PAX5: variants seen among roughly 807,000 people sequenced by gnomAD.
The protein encoded by PAX5 is paired box protein Pax-5.
PAX5 carries 9 observed loss-of-function variants against 43.7 expected under a neutral mutation model. The observed-to-expected ratio is 0.21, with a 90% confidence interval of 0.12 to 0.36. The LOEUF (loss-of-function observed/expected upper bound fraction) is 0.36. PAX5 is among the 10% of genes least tolerant of loss of function. The pLI is 1.00. For synonymous variants in PAX5, 228 were observed against 214.3 expected (o/e 1.06, Z -0.56); for missense variants, 383 against 532.7 (o/e 0.72, Z 2.77).
chr9:36,926,875 T>C (rs1311968887), intron 6 of PAX5, among the ~76,000 whole-genome samples: 1 of 152,104 alleles, frequency 6.6e-6, no homozygotes, highest in Non-Finnish European at 1.5e-5. Context: ...GGCCCAGAAA[T>C]TCCATCCAAG....
intron 5 of PAX5, among the ~76,000 whole-genome samples, chr9:36,977,055 C>G (rs1439427996): frequency 6.6e-6 from 1 of 152,148 alleles, no homozygotes; most frequent in African/African-American, 2.4e-5. Flanking sequence ...AGGATGAAGA[C>G]AAGTGAATAA....
rs1483100941 is a variant in PAX5 at position 36,881,985 on chromosome 9, G to T, written c.1012+19C>A. The T allele has an allele frequency of 1.3e-6, 2 of 1,586,146 alleles. No individual in the cohort carries two copies. Among genetic ancestry groups the T allele is most frequent in the South Asian group, 1.1e-5 (1 of 88,156 alleles). On this transcript the variant is annotated intron_variant, in intron 8 of 9. Transcript: ENST00000358127. ...CCCGTCCGCTGCCTGCTGTGGAGAC[G>T]CCGACAGTGCAAACTCACCAGGCAC...
At chr9:36,913,228 C>T (rs191656040) in intron 7 of PAX5, among the ~76,000 whole-genome samples, 137 of 152,314 alleles carry the variant, frequency 9.0e-4, no homozygotes, top group Non-Finnish European at 1.5e-3. Context: ...GGGGGAGCCT[C>T]AGTCCCCAGG....
At chr9:36,843,031 T>C (rs1363721323) in intron 9 of PAX5, among the ~76,000 whole-genome samples, 1 of 152,090 alleles carries the variant, frequency 6.6e-6, no homozygotes, top group East Asian at 1.9e-4. Flanking sequence ...TATGTGCGTG[T>C]ATGTGTGCAT....
rs1473701900 is a variant in PAX5, at chr9:37,002,643, C to CT, written c.604+4dup. ...CCCCGACGGGGCTGCGCGGGCCTCT[C>CT]TTACCTTCGTCTCTCTTGCGCTTGT... On this transcript the variant is annotated splice_donor_region_variant and intron_variant, in intron 5 of 9. Transcript: ENST00000358127. 2.5e-6 allele frequency: 4 copies of CT among 1,610,794 alleles called. No individual in the cohort carries two copies. Among genetic ancestry groups the CT allele is most frequent in the Middle Eastern group, 1.7e-4 (1 of 6,058 alleles).
intron 7 of PAX5, among the ~76,000 whole-genome samples, chr9:36,920,294 A>T (rs1406218924): frequency 6.6e-6 from 1 of 152,248 alleles, no homozygotes; most frequent in East Asian, 1.9e-4. Context: ...GCTATCAAAC[A>T]GCATCATATG....
intron 5 of PAX5, among the ~76,000 whole-genome samples, chr9:36,999,039 TTTTA>T (rs1837629038): frequency 6.6e-6 from 1 of 152,200 alleles, no homozygotes; most frequent in Non-Finnish European, 1.5e-5. Flanking sequence ...CATGTTATCT[TTTTA>T]CCTGAAACAC....
Position 36,882,069 on chromosome 9 carries a change from G to T in PAX5, c.947C>A (p.Pro316His), listed in dbSNP as rs760162526. The T allele has an allele frequency of 6.2e-7, 1 of 1,608,246 alleles. No individual in the cohort carries two copies. The change falls in exon 8 of 10, where the codon CCT (proline) becomes CAT (histidine). Residue 316 changes from proline to histidine, a missense_variant. Physicochemically the swap from Pro to His is moderately conservative, Grantham distance 77 (BLOSUM62 -2). Around this residue, in one of 5 missense-constraint regions of PAX5, gnomAD observed 291 missense variants for 342.5 expected, o/e 0.85. Transcript: ENST00000358127. The surrounding 1 kb of genome is among the most constrained non-coding windows in gnomAD (Gnocchi z 4.4). ...DLASTTLPGYPPHVPPAGQGS... is the reference protein window; with the variant it reads ...DLASTTLPGYHPHVPPAGQGS... ...CTGTCCAGCGGGGGGGACGTGTGGA[G>T]GGTACCCGGGGAGGGTCGTGCTCGC... is the stretch of plus-strand genomic sequence containing the variant.
At chr9:37,027,550 C>T (rs901256517) in intron 1 of PAX5, among the ~76,000 whole-genome samples, 4 of 152,234 alleles carry the variant, frequency 2.6e-5, no homozygotes, top group Non-Finnish European at 5.9e-5. Context: ...GCCACCAAGG[C>T]CGCCGGGGCT....
chr9:36,936,417 C>T lies in PAX5; in HGVS notation c.781-12933G>A, dbSNP rs74533235. 6.3e-3 allele frequency among the ~76,000 whole-genome samples: 964 copies of T among 152,292 alleles called. 12 individuals carry two copies. The highest frequency in any genetic ancestry group is 0.021 in the African/African-American group (879 of 41,552). ...GGACAAAGCTCCATCTCCAGGTGGC[C>T]AAGTTCCACAGGCTTCTTCCAGGCA... On this transcript the variant is annotated intron_variant, in intron 6 of 9. Coordinates refer to ENST00000358127, the MANE Select transcript of PAX5 (RefSeq NM_016734.3).
intron 3 of PAX5, among the ~76,000 whole-genome samples, chr9:37,009,505 A>G (rs889017231): frequency 5.3e-5 from 8 of 152,218 alleles, no homozygotes; most frequent in African/African-American, 1.9e-4. Context: ...GTCTTAAAAT[A>G]TTCATATTTT....
intron 8 of PAX5, among the ~76,000 whole-genome samples, chr9:36,879,859 G>A (rs1272561058): frequency 1.3e-5 from 2 of 152,208 alleles, no homozygotes; most frequent in Non-Finnish European, 1.5e-5. Flanking sequence ...GGAGCCGGTG[G>A]GGCGGGGCAA....
chr9:36,929,424 G>C (rs1247693762), intron 6 of PAX5, among the ~76,000 whole-genome samples: 1 of 152,192 alleles, frequency 6.6e-6, no homozygotes, highest in Non-Finnish European at 1.5e-5. Flanking sequence ...GCGGGGTGCA[G>C]AGGTACACAC....
Position 37,034,098 on chromosome 9 carries a change from C to CTTTTTTTTTTTTTT in PAX5, c.-81_-68dup, listed in dbSNP as rs576653546. 2.8e-3 allele frequency: 881 copies of CTTTTTTTTTTTTTT among 319,864 alleles called. 38 individuals carry two copies. The highest frequency in any genetic ancestry group is 3.7e-3 in the African/African-American group (85 of 23,220). 19.8% of individuals were successfully genotyped at this position (319,864 alleles called of 1,614,324 possible). The stretch of plus-strand genomic sequence containing the variant: ...TCCACTTTTTTGTGCCTTTTTTTTT[C>CTTTTTTTTTTTTTT]TTTTTTTTTTTTTTTTTTTTTTTTT... On this transcript the variant is annotated 5_prime_UTR_variant, in exon 1 of 10. Transcript: ENST00000358127.
chr9:37,009,613 T>C (rs1838757458), intron 3 of PAX5, among the ~76,000 whole-genome samples: 1 of 152,154 alleles, frequency 6.6e-6, no homozygotes, highest in South Asian at 2.1e-4. Context: ...ACCTAGTATT[T>C]GATAGCACAA....
At chr9:36,865,672 G>C (rs1824801030) in intron 8 of PAX5, among the ~76,000 whole-genome samples, 1 of 152,224 alleles carries the variant, frequency 6.6e-6, no homozygotes, top group African/African-American at 2.4e-5. Context: ...ATTAATCCAA[G>C]ACTTCACTAG....
At chr9:37,003,979 T>A (rs1027731160) in intron 4 of PAX5, among the ~76,000 whole-genome samples, 1 of 152,286 alleles carries the variant, frequency 6.6e-6, no homozygotes, top group African/African-American at 2.4e-5. Context: ...TACTTTTCAT[T>A]TGATGATTGC....
In PAX5 at chr9:36,834,177, A is replaced by G. The variant is rs1413973622; in HGVS notation, c.*6383T>C. 1 of 233,182 alleles carries G rather than the reference A, an allele frequency of 4.3e-6. No individual in the cohort carries two copies. Among genetic ancestry groups the G allele is most frequent in the Non-Finnish European group, 8.5e-6 (1 of 118,056 alleles). The allele number at this position is 233,182 out of a possible 1,614,324, so 14.4% of individuals were successfully genotyped here. ...CTCAGCCCAACCTTGGAGGCCCAGC[A>G]GCTGGGGCTGAGAAGTGGGGCCCAG... is the stretch of plus-strand genomic sequence containing the variant. On this transcript the variant is annotated 3_prime_UTR_variant, in exon 10 of 10. Transcript: ENST00000358127.
intron 6 of PAX5, among the ~76,000 whole-genome samples, chr9:36,947,221 T>C (rs1832603047): frequency 6.6e-6 from 1 of 152,158 alleles, no homozygotes; most frequent in Non-Finnish European, 1.5e-5. Context: ...CTGATCCTCA[T>C]ACTCCAACAT....
Sources: allele counts gnomAD v4.1 joint callset (sites outside exome capture counted in the v4.1 genomes callset), GRCh38; gene constraint gnomAD v4.1.1; regional missense constraint gnomAD v4.1.1; non-coding constraint Gnocchi (gnomAD v3.1); transcripts MANE v1.5; gene names NCBI Gene and HGNC (gene_info 2026-07-23, HGNC 2026-07-21).